The following MTFR1 variants were observed in gnomAD, a reference collection of about 807,000 sequenced individuals.
MTFR1 encodes chondrocyte protein with a poly-proline region.
A neutral mutation model predicts 38.8 loss-of-function variants in MTFR1; 28 were observed. The ratio of observed to expected loss-of-function variants is 0.72; its 90% confidence interval spans 0.53 to 0.99. The LOEUF is 0.99. MTFR1 is among the 50% of genes least tolerant of loss of function. The probability of loss-of-function intolerance (pLI) is 0.00; values close to 1 mark genes in which losing one functional copy is unlikely to be tolerated. For missense variants in MTFR1, 358 were observed against 395.5 expected, an observed-to-expected ratio of 0.91 and a Z score of 0.81; for synonymous variants, 145 against 137.0, an observed-to-expected ratio of 1.06 and a Z score of -0.41.
chr8:65,758,190 C>T (rs775913435), intron 3 of MTFR1, among the ~76,000 whole-genome samples: 3 of 152,292 alleles, frequency 2.0e-5, no homozygotes, highest in Middle Eastern at 3.4e-3. Flanking sequence ...ATTTTTACCA[C>T]TAGGCAATAA....
chr8:65,666,526 G>A (rs77591497), intron 1 of MTFR1, among the ~76,000 whole-genome samples: 6,315 of 152,274 alleles, frequency 0.041, 194 homozygotes, highest in Non-Finnish European at 0.062. Flanking sequence ...TCTAGTTTGA[G>A]TCCTAACTTT....
At chr8:65,724,167 C>A in intron 3 of MTFR1, 2 of 765,200 alleles carry the variant, frequency 2.6e-6, no homozygotes, top group South Asian at 1.5e-5. Flanking sequence ...ACTGCTAGAC[C>A]CATATAAATT....
chr8:65,660,524 A>C (rs1487881269), intron 1 of MTFR1, among the ~76,000 whole-genome samples: 2 of 152,134 alleles, frequency 1.3e-5, no homozygotes, highest in African/African-American at 4.8e-5. Flanking sequence ...GCAAATTTGT[A>C]CTCAGCTTGA....
intron 1 of MTFR1, among the ~76,000 whole-genome samples, chr8:65,656,424 C>G (rs76684690): frequency 6.6e-6 from 1 of 151,964 alleles, no homozygotes; most frequent in Non-Finnish European, 1.5e-5. Context: ...ATCTCAAACT[C>G]CTGAGTTCAA....
At chr8:65,733,381 A>G (rs1415671243) in intron 3 of MTFR1, among the ~76,000 whole-genome samples, 2 of 152,134 alleles carry the variant, frequency 1.3e-5, no homozygotes, top group African/African-American at 4.8e-5. Context: ...ACCAGATTGT[A>G]TGGTGATTAC....
chr8:65,769,891 T>C (rs1002513603), intron 3 of MTFR1, among the ~76,000 whole-genome samples: 1 of 152,184 alleles, frequency 6.6e-6, no homozygotes, highest in Non-Finnish European at 1.5e-5. Flanking sequence ...AGTGAAACTC[T>C]GTCTCAAAAA....
At chr8:65,743,624 T>A in intron 3 of MTFR1, among the ~76,000 whole-genome samples, 1 of 152,098 alleles carries the variant, frequency 6.6e-6, no homozygotes, top group East Asian at 1.9e-4. Context: ...AATAATGGAG[T>A]GATACTAAAA....
At chr8:65,658,074 A>G (rs1809315241) in intron 1 of MTFR1, among the ~76,000 whole-genome samples, 1 of 152,128 alleles carries the variant, frequency 6.6e-6, no homozygotes, top group South Asian at 2.1e-4. Context: ...TGCCAGCCAC[A>G]TAACTAAGAA....
intron 3 of MTFR1, among the ~76,000 whole-genome samples, chr8:65,746,446 T>C (rs1332490754): frequency 2.0e-5 from 3 of 152,196 alleles, no homozygotes; most frequent in South Asian, 4.1e-4. Context: ...ATTTATATTA[T>C]CTAAATATGC....
At chr8:65,718,025 A>G (rs1050663751) in intron 2 of MTFR1, 11 of 152,240 alleles carry the variant, frequency 7.2e-5, no homozygotes, top group Non-Finnish European at 1.5e-4. Flanking sequence ...AGGCCCGTCA[A>G]AGGGTAACGT....
At chr8:65,721,432 A>G (rs779479056) in intron 3 of MTFR1, among the ~76,000 whole-genome samples, 2 of 152,208 alleles carry the variant, frequency 1.3e-5, no homozygotes, top group Admixed American at 6.5e-5. Flanking sequence ...TTTGAAGCCC[A>G]ACACCAACAG....
At chr8:65,683,996 C>T (rs954276645) in intron 3 of MTFR1, among the ~76,000 whole-genome samples, 3 of 152,160 alleles carry the variant, frequency 2.0e-5, no homozygotes, top group Non-Finnish European at 4.4e-5. Context: ...TGTTCAATTC[C>T]ATCAATGTCT....
chr8:65,739,039 T>A (rs948569163), intron 3 of MTFR1, among the ~76,000 whole-genome samples: 1 of 152,218 alleles, frequency 6.6e-6, no homozygotes, highest in Non-Finnish European at 1.5e-5. Context: ...GTGGGCCGAT[T>A]CTGAGCCCAG....
chr8:65,662,096 C>G (rs1809442265), intron 1 of MTFR1, among the ~76,000 whole-genome samples: 1 of 94,910 alleles, frequency 1.1e-5, no homozygotes, highest in Admixed American at 1.2e-4. Flanking sequence ...CTCTCCCTCT[C>G]TTTCCACAGT....
At chr8:65,762,991 ATGTGTGTGTGTGTGTGTGTGTG>A (rs34371328) in intron 3 of MTFR1, among the ~76,000 whole-genome samples, 115 of 138,612 alleles carry the variant, frequency 8.3e-4, no homozygotes, top group African/African-American at 2.6e-3. Flanking sequence ...TATAAAAACA[ATGTGTGTGTGTGTGTGTGTGTG>A]TGTGTGTGTG....
chr8:65,742,990 T>C (rs1807509857), intron 3 of MTFR1, among the ~76,000 whole-genome samples: 1 of 152,226 alleles, frequency 6.6e-6, no homozygotes, highest in Non-Finnish European at 1.5e-5. Flanking sequence ...AGTGCACTGC[T>C]GAGCTCACGC....
At chr8:65,691,532 A>G (rs1805277459) in intron 3 of MTFR1, among the ~76,000 whole-genome samples, 1 of 152,172 alleles carries the variant, frequency 6.6e-6, no homozygotes, top group Non-Finnish European at 1.5e-5. Flanking sequence ...GCCTCAAGCC[A>G]TCCGCCATCT....
chr8:65,670,948 G>C (rs904700897), intron 2 of MTFR1, among the ~76,000 whole-genome samples: 1 of 152,016 alleles, frequency 6.6e-6, no homozygotes, highest in Non-Finnish European at 1.5e-5. Flanking sequence ...GCCCACCCTG[G>C]CCTCCCAGAG....
Position 65,689,625 on chromosome 8 carries a change from C to T in MTFR1, c.166-4019C>T, listed in dbSNP as rs555760510. On this transcript the variant is annotated intron_variant, in intron 3 of 7. Transcript: ENST00000262146. Reference sequence around the variant, plus strand: ...GTAAGTTGTCCTTTTCTTTCTCAAACTTCCCATGCATGTCGTGGTGTCTAA... The same window carrying T: ...GTAAGTTGTCCTTTTCTTTCTCAAATTTCCCATGCATGTCGTGGTGTCTAA... 324 of 1,265,140 alleles carry T rather than the reference C, an allele frequency of 2.6e-4. 1 individual carries two copies. Among genetic ancestry groups the T allele is most frequent in the Non-Finnish European group, 1.5e-4 (147 of 976,820 alleles). The allele number at this position is 1,265,140 out of a possible 1,614,324, so 78.4% of individuals were successfully genotyped here.
Sources: allele counts gnomAD v4.1 joint callset (sites outside exome capture counted in the v4.1 genomes callset), GRCh38; gene constraint gnomAD v4.1.1; transcripts MANE v1.5; gene names NCBI Gene and HGNC (gene_info 2026-07-23, HGNC 2026-07-21).